PCNX2: variants seen among roughly 807,000 people sequenced by gnomAD.
PCNX2 encodes the protein pecanex-like protein 2.
A neutral mutation model predicts 223.8 loss-of-function variants in PCNX2; 168 were observed. The observed-to-expected ratio is 0.75, with a 90% confidence interval of 0.66 to 0.85. The LOEUF is 0.85. Among genes scored for constraint, PCNX2 ranks in the 40% least tolerant of loss-of-function variants. The pLI, the probability that PCNX2 is intolerant of heterozygous loss-of-function variation, is 0.00. For synonymous variants in PCNX2, 1,006 were observed against 1,052.6 expected, an observed-to-expected ratio of 0.96 and a Z score of 0.86; for missense variants, 2,507 against 2,675.5, an observed-to-expected ratio of 0.94 and a Z score of 1.39.
At chr1:233,231,771 T>C (rs1572119564) in intron 9 of PCNX2, 2 of 642,458 alleles carry the variant, frequency 3.1e-6, no homozygotes, top group East Asian at 1.4e-4. Context: ...GTGTTAGAAA[T>C]AGAATTTTGA....
chr1:233,054,450 T>C lies in PCNX2; in HGVS notation c.4169A>G (p.Tyr1390Cys). Residue 1390 changes from tyrosine to cysteine, a missense_variant, in exon 25 of 34, where the codon TAT (tyrosine) becomes TGT (cysteine). Coordinates refer to ENST00000258229, the MANE Select transcript of PCNX2 (RefSeq NM_014801.4). ...NDDNNLNSIF[Y>C]EHLTRTLQES... ...CTGGAGGGTCCTTGTCAAGTGTTCATAAAAAATGGAATTGAGATTGTTGTC... is the reference window on the plus strand; with the variant it reads ...CTGGAGGGTCCTTGTCAAGTGTTCACAAAAAATGGAATTGAGATTGTTGTC... 1.9e-6 allele frequency: 3 copies of C among 1,613,674 alleles called. No homozygotes were observed. The highest frequency in any genetic ancestry group is 2.5e-6 in the Non-Finnish European group (3 of 1,179,718).
chr1:233,090,396 A>C (rs1673813247), intron 22 of PCNX2, among the ~76,000 whole-genome samples: 1 of 152,150 alleles, frequency 6.6e-6, no homozygotes, highest in African/African-American at 2.4e-5. Flanking sequence ...CACCACGTAA[A>C]CCAAATGATT....
chr1:233,177,546 A>T (rs1244469553), intron 17 of PCNX2, among the ~76,000 whole-genome samples: 2 of 152,220 alleles, frequency 1.3e-5, no homozygotes, highest in African/African-American at 4.8e-5. Context: ...TTTCTGCAGA[A>T]AGTATAAAAA....
At chr1:233,057,927 A>G in intron 23 of PCNX2, 1 of 985,438 alleles carries the variant, frequency 1.0e-6, no homozygotes, top group Non-Finnish European at 1.2e-6. Flanking sequence ...CAGTGTCCAC[A>G]AAGGTATCTT....
chr1:232,998,765 T>C (rs1340921763), intron 31 of PCNX2, among the ~76,000 whole-genome samples: 4 of 152,208 alleles, frequency 2.6e-5, no homozygotes, highest in African/African-American at 9.7e-5. Flanking sequence ...AGAAGACTTA[T>C]TGGATGAGAA....
At chr1:233,220,515 T>C (rs1657304463) in intron 10 of PCNX2, among the ~76,000 whole-genome samples, 1 of 152,174 alleles carries the variant, frequency 6.6e-6, no homozygotes. Context: ...GCTGCTTTAA[T>C]TTGCAGTTCC....
chr1:233,292,122 T>C (rs1041487880), intron 1 of PCNX2: 1 of 761,302 alleles, frequency 1.3e-6, no homozygotes, highest in Non-Finnish European at 1.6e-6. Flanking sequence ...TAATTAATAA[T>C]AAAAATATTT....
At chr1:233,296,906 C>G (rs898851798), upstream of PCNX2, among the ~76,000 whole-genome samples, 3 of 152,202 alleles carry the variant, frequency 2.0e-5, no homozygotes, top group African/African-American at 7.2e-5. Context: ...ACATGAAAGG[C>G]CACTGAGTTA....
At chr1:233,218,209 CAAAAAAA>C (rs34818026) in intron 10 of PCNX2, 25 bp from the exon 11 acceptor site, 3,703 of 275,038 alleles carry the variant, frequency 0.013, 54 homozygotes, top group Middle Eastern at 0.017. Flanking sequence ...TACATAAAAG[CAAAAAAA>C]AAAAAAAAAA....
At chr1:233,192,299 T>A (rs1680466317) in intron 15 of PCNX2, among the ~76,000 whole-genome samples, 1 of 152,214 alleles carries the variant, frequency 6.6e-6, no homozygotes, top group South Asian at 2.1e-4. Flanking sequence ...TACTATTCAG[T>A]GTCAGCAGGT....
intron 17 of PCNX2, among the ~76,000 whole-genome samples, chr1:233,175,620 G>A (rs1679434691): frequency 6.6e-6 from 1 of 152,152 alleles, no homozygotes; most frequent in Non-Finnish European, 1.5e-5. Flanking sequence ...AGGAATGTCA[G>A]TTTGACCTTC....
At chr1:233,103,876 G>C (rs1238778469) in intron 21 of PCNX2, among the ~76,000 whole-genome samples, 2 of 152,020 alleles carry the variant, frequency 1.3e-5, no homozygotes, top group East Asian at 3.9e-4. Context: ...CTCTATAGTG[G>C]TTTACTAATT....
chr1:233,246,125 T>C (rs945796015), intron 8 of PCNX2, among the ~76,000 whole-genome samples: 14 of 152,090 alleles, frequency 9.2e-5, no homozygotes, highest in Non-Finnish European at 1.6e-4. Flanking sequence ...TGAATGCCCT[T>C]CAGATGGGAT....
intron 23 of PCNX2, among the ~76,000 whole-genome samples, chr1:233,059,042 A>T (rs1016675047): frequency 2.6e-5 from 4 of 152,080 alleles, no homozygotes; most frequent in African/African-American, 9.7e-5. Flanking sequence ...CCCCTTCAGC[A>T]TGCCCAGACC....
At chr1:233,057,589 G>T in intron 23 of PCNX2, 1 of 283,410 alleles carries the variant, frequency 3.5e-6, no homozygotes, top group East Asian at 7.3e-5. Flanking sequence ...AAGTATTTAG[G>T]CTGAGCACGG....
chr1:233,075,658 G>A (rs10910657), intron 23 of PCNX2, among the ~76,000 whole-genome samples: 40,061 of 149,452 alleles, frequency 0.27, 6,919 homozygotes, highest in African/African-American at 0.49. Flanking sequence ...TGTCTCTATT[G>A]TTTCATTCAA....
chr1:233,312,593 C>T, the PCNX2 span, among the ~76,000 whole-genome samples: 9 of 152,160 alleles, frequency 5.9e-5, no homozygotes, highest in Middle Eastern at 3.4e-3. Context: ...CTAAACAAGA[C>T]GAAAAACCCT....
Position 233,001,079 on chromosome 1 carries a change from G to C in PCNX2, c.5097+458C>G, listed in dbSNP as rs974167378. On this transcript the variant is annotated intron_variant, in intron 29 of 33. Coordinates refer to ENST00000258229, the MANE Select transcript of PCNX2 (RefSeq NM_014801.4). The surrounding 1 kb of genome is among the most constrained non-coding windows in gnomAD (Gnocchi z 4.2). Reference sequence around the variant, plus strand: ...GACAGGGTCTTGCACTGTCACCCAGGCTGGAGTGCAGTGGCGCAATCATAG... The same window carrying C: ...GACAGGGTCTTGCACTGTCACCCAGCCTGGAGTGCAGTGGCGCAATCATAG... Among the ~76,000 whole-genome samples, 1 of 151,936 alleles carries C rather than the reference G, an allele frequency of 6.6e-6. No homozygotes were observed. The highest frequency in any genetic ancestry group is 1.5e-5 in the Non-Finnish European group (1 of 67,992).
chr1:232,986,612 G>A, intron 32 of PCNX2, 72 bp from the exon 33 acceptor site: 1 of 1,388,894 alleles, frequency 7.2e-7, no homozygotes, highest in Non-Finnish European at 9.5e-7. Flanking sequence ...GGTGCAGCAG[G>A]TGGCCTGCTC....
Sources: allele counts gnomAD v4.1 joint callset (sites outside exome capture counted in the v4.1 genomes callset), GRCh38; gene constraint gnomAD v4.1.1; non-coding constraint Gnocchi (gnomAD v3.1); transcripts MANE v1.5; gene names NCBI Gene and HGNC (gene_info 2026-07-23, HGNC 2026-07-21).